Variants in DRC11 observed in about 807,000 individuals in gnomAD.
DRC11 encodes IQ and AAA domain-containing protein 1.
chr2:236,487,953 T>A, the DRC11 span: 5 of 1,323,052 alleles, frequency 3.8e-6, no homozygotes, highest in Non-Finnish European at 5.0e-6. Context: ...GTATCTTTAG[T>A]GTATAAGGCA....
chr2:236,461,402 T>C, the DRC11 span, among the ~76,000 whole-genome samples: 1 of 152,342 alleles, frequency 6.6e-6, no homozygotes, highest in African/African-American at 2.4e-5. The surrounding 1 kb of genome is among the most constrained non-coding windows in gnomAD (Gnocchi z 4.0). Flanking sequence ...TTTGAAACAA[T>C]GCCTTTCTAC....
chr2:236,412,473 C>T, the DRC11 span: 1 of 152,266 alleles, frequency 6.6e-6, no homozygotes, highest in African/African-American at 2.4e-5. Flanking sequence ...GGGATATGTC[C>T]TGATCCGCAC....
chr2:236,387,119 A>C, the DRC11 span, among the ~76,000 whole-genome samples: 184 of 151,572 alleles, frequency 1.2e-3, no homozygotes, highest in African/African-American at 4.0e-3. Context: ...TGGTGTGGTG[A>C]TGAAAAAAAT....
the DRC11 span, among the ~76,000 whole-genome samples, chr2:236,459,617 GTA>G: frequency 1.4e-3 from 163 of 115,728 alleles, no homozygotes; most frequent in South Asian, 3.9e-3. Flanking sequence ...ACGTATATAA[GTA>G]TATACATACG....
chr2:236,384,901 CATTT>C, the DRC11 span, among the ~76,000 whole-genome samples: 3 of 151,684 alleles, frequency 2.0e-5, no homozygotes, highest in Non-Finnish European at 4.4e-5. Context: ...TTCCCAGCAC[CATTT>C]ATTAAATAGG....
At chr2:236,427,633 CTT>C in the DRC11 span, among the ~76,000 whole-genome samples, 2 of 151,934 alleles carry the variant, frequency 1.3e-5, no homozygotes, top group Non-Finnish European at 2.9e-5. This position sits in a 1 kb window ranked among gnomAD's most constrained non-coding sequence, Gnocchi z 5.9. Flanking sequence ...TTGTGTGACT[CTT>C]TTCTCTCCTA....
At chr2:236,318,736 T>A in the DRC11 span, among the ~76,000 whole-genome samples, 1 of 152,118 alleles carries the variant, frequency 6.6e-6, no homozygotes, top group Non-Finnish European at 1.5e-5. This position sits in a 1 kb window ranked among gnomAD's most constrained non-coding sequence, Gnocchi z 7.0. Flanking sequence ...TGTGCATGCA[T>A]GTGTATATGC....
chr2:236,351,947 G>A, the DRC11 span, among the ~76,000 whole-genome samples: 1 of 152,162 alleles, frequency 6.6e-6, no homozygotes, highest in Non-Finnish European at 1.5e-5. This position sits in a 1 kb window ranked among gnomAD's most constrained non-coding sequence, Gnocchi z 7.3. Flanking sequence ...GAGAAGAGGA[G>A]AGAGGCAAGG....
chr2:236,332,383 A>G, the DRC11 span: 1 of 152,216 alleles, frequency 6.6e-6, no homozygotes, highest in Non-Finnish European at 1.5e-5. This position sits in a 1 kb window ranked among gnomAD's most constrained non-coding sequence, Gnocchi z 5.1. Context: ...AATTACCTCT[A>G]TTCTGTAAAG....
the DRC11 span, among the ~76,000 whole-genome samples, chr2:236,361,787 C>T: frequency 2.6e-5 from 4 of 152,058 alleles, no homozygotes; most frequent in East Asian, 3.9e-4. The surrounding 1 kb of genome is among the most constrained non-coding windows in gnomAD (Gnocchi z 5.7). Flanking sequence ...CAAAAATAAA[C>T]GGAGCAAATG....
the DRC11 span, chr2:236,391,337 G>C: frequency 6.6e-6 from 1 of 152,334 alleles, no homozygotes; most frequent in Admixed American, 6.5e-5. This position sits in a 1 kb window ranked among gnomAD's most constrained non-coding sequence, Gnocchi z 4.5. Flanking sequence ...AGTGGCTCCA[G>C]TCATGGAACG....
the DRC11 span, chr2:236,493,621 G>A: frequency 1.8e-6 from 1 of 548,508 alleles, no homozygotes; most frequent in East Asian, 3.3e-5. Flanking sequence ...CAAAAGTTAT[G>A]CAACTTCTTA....
chr2:236,366,481 T>A, the DRC11 span, among the ~76,000 whole-genome samples: 18 of 152,226 alleles, frequency 1.2e-4, no homozygotes, highest in Non-Finnish European at 2.5e-4. Flanking sequence ...CTAACGTTTC[T>A]ATGCATTCCA....
chr2:236,504,831 T>A, the DRC11 span, among the ~76,000 whole-genome samples: 1 of 152,348 alleles, frequency 6.6e-6, no homozygotes, highest in African/African-American at 2.4e-5. This position sits in a 1 kb window ranked among gnomAD's most constrained non-coding sequence, Gnocchi z 5.0. Flanking sequence ...GCAATTTTCC[T>A]TGCTGCCGCC....
the DRC11 span, among the ~76,000 whole-genome samples, chr2:236,420,304 T>C: frequency 6.6e-6 from 1 of 152,132 alleles, no homozygotes; most frequent in African/African-American, 2.4e-5. This position sits in a 1 kb window ranked among gnomAD's most constrained non-coding sequence, Gnocchi z 4.8. Context: ...TTTCATAATG[T>C]AGGGAGAAAA....
the DRC11 span, among the ~76,000 whole-genome samples, chr2:236,405,975 G>A: frequency 2.6e-5 from 4 of 152,172 alleles, no homozygotes; most frequent in African/African-American, 4.8e-5. The surrounding 1 kb of genome is among the most constrained non-coding windows in gnomAD (Gnocchi z 4.6). Context: ...CTGGAACTGC[G>A]AAAAGTGAAA....
chr2:236,506,231 G>A, the DRC11 span, among the ~76,000 whole-genome samples: 8,266 of 152,212 alleles, frequency 0.054, 773 homozygotes, highest in African/African-American at 0.19. The surrounding 1 kb of genome is among the most constrained non-coding windows in gnomAD (Gnocchi z 4.9). Flanking sequence ...CCTTACTGTG[G>A]ATGATCCCAG....
the DRC11 span, chr2:236,408,496 T>C: frequency 4.9e-5 from 36 of 737,214 alleles, no homozygotes; most frequent in African/African-American, 5.8e-4. This position sits in a 1 kb window ranked among gnomAD's most constrained non-coding sequence, Gnocchi z 5.5. Flanking sequence ...CCAGTCCAGC[T>C]TCTTGGCCAC....
chr2:236,341,000 C>T, the DRC11 span, among the ~76,000 whole-genome samples: 13 of 152,168 alleles, frequency 8.5e-5, no homozygotes, highest in Admixed American at 8.5e-4. Context: ...AGCAAACCAC[C>T]CCATGATCAC....
Sources: gnomAD v4.1 joint callset for allele counts (sites outside exome capture counted in the v4.1 genomes callset) on GRCh38, gnomAD v4.1.1 for gene constraint, Gnocchi (gnomAD v3.1) non-coding constraint, MANE v1.5 for transcripts, NCBI Gene and HGNC (gene_info 2026-07-23, HGNC 2026-07-21) for gene names.